Variants in ATE1 observed in about 807,000 individuals in gnomAD.
ATE1 encodes the protein arginyl-tRNA--protein transferase 1.
Under a neutral mutation model 70.5 loss-of-function variants are expected in ATE1, and 36 were observed. The observed-to-expected ratio is 0.51, with a 90% CI of 0.39 to 0.67. The LOEUF is 0.67. Ranked by LOEUF, ATE1 falls within the 30% of genes least tolerant of loss-of-function variation. The probability of loss-of-function intolerance (pLI) is 0.00; values close to 1 mark genes in which losing one functional copy is unlikely to be tolerated. For missense variants in ATE1, 593 were observed against 629.5 expected, an observed-to-expected ratio of 0.94 and a Z score of 0.62; for synonymous variants, 232 against 219.3, an observed-to-expected ratio of 1.06 and a Z score of -0.51.
chr10:121,917,524 A>G (rs1416855184), intron 3 of ATE1, among the ~76,000 whole-genome samples: 2 of 152,210 alleles, frequency 1.3e-5, no homozygotes, highest in African/African-American at 4.8e-5. Context: ...CTGAATGGAA[A>G]GCTAGGGATG....
intron 3 of ATE1, among the ~76,000 whole-genome samples, chr10:121,919,318 G>T (rs920157443): frequency 6.6e-6 from 1 of 152,068 alleles, no homozygotes; most frequent in African/African-American, 2.4e-5. Flanking sequence ...CAGCACTTTG[G>T]GGGGCTGAAG....
At position 121,742,894 on chromosome 10, in the gene ATE1, C is replaced by A. The variant is rs1944193966; in HGVS notation, c.*786G>T. On this transcript the variant is annotated 3_prime_UTR_variant, in exon 12 of 12. Transcript: ENST00000224652. ...CCTTTGGATGAGACTTAGATCAAGG[C>A]AGGAACCAACATTTTTCTTTAAAAA... is the stretch of plus-strand genomic sequence containing the variant. The A allele has an allele frequency of 6.6e-6, 1 of 152,164 alleles. No homozygotes were observed. The highest frequency in any genetic ancestry group is 6.5e-5 in the Admixed American group (1 of 15,276). 9.4% of individuals were successfully genotyped at this position (152,164 alleles called of 1,614,324 possible).
intron 7 of ATE1, among the ~76,000 whole-genome samples, chr10:121,893,206 G>A (rs1413794366): frequency 3.3e-5 from 5 of 151,248 alleles, no homozygotes; most frequent in Admixed American, 3.3e-4. Flanking sequence ...AAATCCGGGA[G>A]GCAGAGGTTG....
At chr10:121,776,315 C>G (rs575593644) in intron 11 of ATE1, among the ~76,000 whole-genome samples, 12 of 120,188 alleles carry the variant, frequency 1.0e-4, no homozygotes, top group African/African-American at 3.6e-4. Context: ...TTCATCTTCC[C>G]TCCCCACCAT....
intron 10 of ATE1, among the ~76,000 whole-genome samples, chr10:121,801,920 C>T (rs60072235): frequency 0.021 from 3,129 of 149,492 alleles, 98 homozygotes; most frequent in African/African-American, 0.075. Context: ...AGGAAGATCC[C>T]TTTTTAAAGT....
chr10:121,872,328 C>A (rs139023635), intron 7 of ATE1, among the ~76,000 whole-genome samples: 66 of 152,142 alleles, frequency 4.3e-4, no homozygotes, highest in African/African-American at 1.6e-3. Context: ...CAAAATAGAC[C>A]TAAAAAATTC....
intron 10 of ATE1, among the ~76,000 whole-genome samples, chr10:121,807,542 C>T (rs1947145904): frequency 1.3e-5 from 2 of 152,162 alleles, no homozygotes; most frequent in Admixed American, 1.3e-4. Context: ...TATAGCTGAT[C>T]TTTGTGATTG....
At chr10:121,748,456 A>C (rs2935703) in intron 11 of ATE1, among the ~76,000 whole-genome samples, 142,953 of 152,192 alleles carry the variant, frequency 0.94, 67,350 homozygotes, top group Non-Finnish European at 0.97. Context: ...TGAAAAAGCT[A>C]TAAAATTACA....
chr10:121,783,515 A>G (rs1372769275), intron 11 of ATE1, among the ~76,000 whole-genome samples: 2 of 137,060 alleles, frequency 1.5e-5, no homozygotes, highest in Non-Finnish European at 3.1e-5. Flanking sequence ...CGATGGAGTC[A>G]TAGTCTAACT....
chr10:121,834,149 T>C (rs1382172470), intron 10 of ATE1, among the ~76,000 whole-genome samples: 1 of 152,194 alleles, frequency 6.6e-6, no homozygotes, highest in Admixed American at 6.5e-5. Context: ...CATTCAAATC[T>C]TAGCCTAAAC....
At chr10:121,861,749 TAAAA>T (rs5788519) in intron 8 of ATE1, among the ~76,000 whole-genome samples, 1 of 147,976 alleles carries the variant, frequency 6.8e-6, no homozygotes, top group Non-Finnish European at 1.5e-5. Context: ...TAAAGTATAA[TAAAA>T]AAAAAAAAAA....
In ATE1 at chr10:121,741,459, A is replaced by T. The variant is rs541404110; in HGVS notation, c.*2221T>A. ...AAAGCACAGTGGTTCACAGACAGGGATGATTCATCATTTTCCTCTGAAAAT... is the reference window on the plus strand; with the variant it reads ...AAAGCACAGTGGTTCACAGACAGGGTTGATTCATCATTTTCCTCTGAAAAT... On this transcript the variant is annotated 3_prime_UTR_variant, in exon 12 of 12. Transcript: ENST00000224652. The T allele has an allele frequency of 5.9e-5, 9 of 152,368 alleles. No homozygotes were observed. The East Asian group carries it at 1.7e-3, about 29-fold the overall frequency. The allele number at this position is 152,368 out of a possible 1,614,324, so 9.4% of individuals were successfully genotyped here.
At chr10:121,889,073 G>C (rs758897852) in intron 7 of ATE1, among the ~76,000 whole-genome samples, 2 of 151,970 alleles carry the variant, frequency 1.3e-5, no homozygotes, top group African/African-American at 4.8e-5. Context: ...GAGTTCAGTG[G>C]CACCATCTCA....
rs1944394417 is a variant in ATE1 at position 121,746,889 on chromosome 10, T to A, written c.1379-3031A>T. Reference sequence around the variant, plus strand: ...TAACACTCTTCTTCCGACATCTAAATGAGAGTGTTCCTACTATATGAATTT... The same window carrying A: ...TAACACTCTTCTTCCGACATCTAAAAGAGAGTGTTCCTACTATATGAATTT... On this transcript the variant is annotated intron_variant, in intron 11 of 11. Coordinates refer to ENST00000224652, the MANE Select transcript of ATE1 (RefSeq NM_001001976.3). Among the ~76,000 whole-genome samples the A allele has an allele frequency of 1.3e-5, 2 of 152,170 alleles. 1 individual carries two copies. Among genetic ancestry groups the A allele is most frequent in the African/African-American group, 4.8e-5 (2 of 41,448 alleles).
At chr10:121,881,102 T>C (rs997035713) in intron 7 of ATE1, among the ~76,000 whole-genome samples, 13 of 152,222 alleles carry the variant, frequency 8.5e-5, no homozygotes, top group African/African-American at 3.1e-4. Flanking sequence ...ATTTGAATTT[T>C]CCTTTTTGCT....
chr10:121,784,162 T>C (rs1946112518), intron 11 of ATE1, among the ~76,000 whole-genome samples: 1 of 152,246 alleles, frequency 6.6e-6, no homozygotes, highest in African/African-American at 2.4e-5. Context: ...TTCAAACCTG[T>C]CTGGCCAGCG....
chr10:121,900,324 T>G (rs1167279377), intron 6 of ATE1, among the ~76,000 whole-genome samples: 2 of 152,114 alleles, frequency 1.3e-5, no homozygotes, highest in Non-Finnish European at 2.9e-5. Flanking sequence ...ATAAATACCC[T>G]CTAGTTGTGC....
At chr10:121,822,075 G>A (rs528575710) in intron 10 of ATE1, among the ~76,000 whole-genome samples, 2 of 152,242 alleles carry the variant, frequency 1.3e-5, no homozygotes, top group African/African-American at 4.8e-5. Flanking sequence ...GCATATATAT[G>A]TTCACCAAAG....
At chr10:121,846,213 T>A (rs997096438) in intron 8 of ATE1, among the ~76,000 whole-genome samples, 2 of 150,638 alleles carry the variant, frequency 1.3e-5, no homozygotes, top group African/African-American at 4.9e-5. Flanking sequence ...GAGCAACCAA[T>A]GCACAAAGCC....
Sources: allele counts gnomAD v4.1 joint callset (sites outside exome capture counted in the v4.1 genomes callset), GRCh38; gene constraint gnomAD v4.1.1; transcripts MANE v1.5; gene names NCBI Gene and HGNC (gene_info 2026-07-23, HGNC 2026-07-21).